USP1: variants seen among roughly 807,000 people sequenced by gnomAD.
USP1 encodes the protein ubiquitin carboxyl-terminal hydrolase 1.
Under a neutral mutation model 72.2 loss-of-function variants are expected in USP1, and 18 were observed. The observed-to-expected ratio is 0.25, with a 90% confidence interval of 0.17 to 0.37. The LOEUF is 0.37. Among genes scored for constraint, USP1 ranks in the 10% least tolerant of loss-of-function variants. The probability of loss-of-function intolerance (pLI) is 1.00; values close to 1 mark genes in which losing one functional copy is unlikely to be tolerated. For missense variants in USP1, 759 were observed against 884.9 expected (o/e 0.86, Z 1.81); for synonymous variants, 354 against 303.7 (o/e 1.17, Z -1.72).
At chr1:62,440,878 G>T (rs931285009) in intron 2 of USP1, among the ~76,000 whole-genome samples, 2 of 152,056 alleles carry the variant, frequency 1.3e-5, no homozygotes, top group Non-Finnish European at 2.9e-5. Flanking sequence ...TTTGAGATGG[G>T]GTCTCCTTGT....
intron 4 of USP1, among the ~76,000 whole-genome samples, chr1:62,442,547 C>A (rs939516546): frequency 1.3e-5 from 2 of 151,926 alleles, no homozygotes; most frequent in Admixed American, 6.6e-5. Context: ...TTACTGTATA[C>A]TATAATCACA....
rs1645212492 is a variant in USP1, at chr1:62,450,984, TG to T, written c.*4del. 1 of 1,573,260 alleles carries T rather than the reference TG, an allele frequency of 6.4e-7. No homozygotes were observed. Among genetic ancestry groups the T allele is most frequent in the Non-Finnish European group, 8.6e-7 (1 of 1,166,912 alleles). The stretch of plus-strand genomic sequence containing the variant: ...TGCTATTTTATAAGAAATTATAGAG[TG>T]AGTGTATTTTCCTTGTGTATATATT... On this transcript the variant is annotated 3_prime_UTR_variant, in exon 9 of 9. Coordinates refer to ENST00000339950, the MANE Select transcript of USP1 (RefSeq NM_003368.5).
chr1:62,442,361 T>G, intron 4 of USP1, 62 bp downstream of exon 4: 1 of 1,274,558 alleles, frequency 7.8e-7, no homozygotes. Flanking sequence ...GGAAATTTAC[T>G]TGCCTGGAAA....
Position 62,445,275 on chromosome 1 carries a change from A to T in USP1, c.1095A>T (p.Gln365His). ...GTCTGGGAAAAATAACAACAAACCA[A>T]GGAGTCAAAGGACAATCTAAAGAAA... ...FCSLGKITTN[Q>H]GVKGQSKENE... The change falls in exon 6 of 9, where the codon CAA (glutamine) becomes CAT (histidine). Residue 365 changes from glutamine (Q) to histidine (H), a missense_variant. Transcript: ENST00000339950. 1 of 1,613,506 alleles carries T rather than the reference A, an allele frequency of 6.2e-7. No homozygotes were observed. Among genetic ancestry groups the T allele is most frequent in the Non-Finnish European group, 8.5e-7 (1 of 1,179,828 alleles).
intron 1 of USP1, 144 bp from the exon 2 acceptor site, chr1:62,439,655 T>G (rs1645118582): frequency 4.8e-6 from 2 of 415,576 alleles, no homozygotes; most frequent in Admixed American, 4.4e-5. Context: ...CAATAAATAT[T>G]GAGTGCTTAT....
At chr1:62,437,702 C>T (rs1248536238) in intron 1 of USP1, among the ~76,000 whole-genome samples, 1 of 152,242 alleles carries the variant, frequency 6.6e-6, no homozygotes, top group Admixed American at 6.5e-5. Flanking sequence ...CGCTGCTCGT[C>T]CTTCCAGCTT....
Position 62,450,448 on chromosome 1 carries a change from G to A in USP1, c.1825G>A (p.Asp609Asn). ...CACTGACCTTAACAGTTTAGAACTA[G>A]ATAAAGGAAATTTTGTGGTTGACCA... is the stretch of plus-strand genomic sequence containing the variant. ...KVTDLNSLELDKGNFVVDQMC... is the reference protein window; with the variant it reads ...KVTDLNSLELNKGNFVVDQMC... Residue 609 changes from aspartate (D) to asparagine (N), a missense_variant, in exon 9 of 9, where the codon GAT becomes AAT. By Grantham distance (23) the Asp-to-Asn change is conservative. Coordinates refer to ENST00000339950, the MANE Select transcript of USP1 (RefSeq NM_003368.5). The A allele has an allele frequency of 6.2e-7, 1 of 1,614,136 alleles. No individual in the cohort carries two copies. The highest frequency in any genetic ancestry group is 8.5e-7 in the Non-Finnish European group (1 of 1,180,020).
chr1:62,437,307 G>C lies in USP1; in HGVS notation c.-163G>C, dbSNP rs1645096191. The C allele has an allele frequency of 2.5e-6, 1 of 396,712 alleles. No individual in the cohort carries two copies. The highest frequency in any genetic ancestry group is 4.4e-6 in the Non-Finnish European group (1 of 225,408). 24.6% of individuals were successfully genotyped at this position (396,712 alleles called of 1,614,324 possible). ...TTTTCCTGGGGCCGGGGACCCGGCG[G>C]GCTCGGGGCAGGGACTCACCTGTCG... On this transcript the variant is annotated 5_prime_UTR_variant, in exon 1 of 9. Coordinates refer to ENST00000339950, the MANE Select transcript of USP1 (RefSeq NM_003368.5).
intron 5 of USP1, 132 bp downstream of exon 5, chr1:62,443,451 C>A: frequency 1.1e-6 from 1 of 908,630 alleles, no homozygotes; most frequent in Non-Finnish European, 1.5e-6. Context: ...TCCTTTATAT[C>A]CCAGAGACTC....
rs761322194 is a variant in USP1 at position 62,450,828 on chromosome 1, C to T, written c.2205C>T (p.Tyr735=). 30 of 1,613,872 alleles carry T rather than the reference C, an allele frequency of 1.9e-5. No individual in the cohort carries two copies. The highest frequency in any genetic ancestry group is 1.6e-4 in the Middle Eastern group (1 of 6,080). Residue 735 remains tyrosine, a synonymous_variant, in exon 9 of 9, where the codon TAC becomes TAT. Coordinates refer to ENST00000339950, the MANE Select transcript of USP1 (RefSeq NM_003368.5). The part of the protein sequence containing the change: ...NISGFENKIS[Y]VVQSLKEYEG... ...GTGGATTTGAGAACAAAATTTCATA[C>T]GTAGTGCAAAGCTTAAAGGAGTATG...
intron 7 of USP1, 144 bp from the exon 8 acceptor site, chr1:62,448,321 A>C: frequency 1.3e-6 from 1 of 751,898 alleles, no homozygotes; most frequent in Non-Finnish European, 2.1e-6. Flanking sequence ...TTATGAAAGT[A>C]GTTTCTGAAA....
At chr1:62,437,623 G>A (rs1433227827) in intron 1 of USP1, among the ~76,000 whole-genome samples, 1 of 151,726 alleles carries the variant, frequency 6.6e-6, no homozygotes, top group East Asian at 2.0e-4. Flanking sequence ...ACTCCGCGGC[G>A]AGGGCGCCCG....
At chr1:62,436,835 T>G (rs1183411028), upstream of USP1, 3 of 321,800 alleles carry the variant, frequency 9.3e-6, no homozygotes, top group East Asian at 9.5e-5. Context: ...CCTGCGTTGT[T>G]TGAAACTGTG....
rs1160489715 is a variant in USP1 at position 62,437,076 on chromosome 1, C to A, written c.-394C>A. 2 of 398,756 alleles carry A rather than the reference C, an allele frequency of 5.0e-6. No homozygotes were observed. The highest frequency in any genetic ancestry group is 4.4e-6 in the Non-Finnish European group (1 of 225,968). 24.7% of individuals were successfully genotyped at this position (398,756 alleles called of 1,614,324 possible). On this transcript the variant is annotated 5_prime_UTR_variant, in exon 1 of 9. Transcript: ENST00000339950. Reference sequence around the variant, plus strand: ...AAACGCGCCAAGTTCCCCTCGGTGGCGGAGTGCTAAAGACCCTAGCGGTTC... The same window carrying A: ...AAACGCGCCAAGTTCCCCTCGGTGGAGGAGTGCTAAAGACCCTAGCGGTTC...
In USP1 at chr1:62,445,082, G is replaced by A. The variant is rs533338716; in HGVS notation, c.902G>A (p.Arg301Lys). The change falls in exon 6 of 9, where the codon AGA becomes AAA. Residue 301 changes from arginine (R) to lysine (K), a missense_variant. Around this residue, in one of 9 missense-constraint regions of USP1, gnomAD observed 245 missense variants for 240.7 expected, o/e 1.02. Transcript: ENST00000339950. ...QSLEENQRQT[R>K]SKRKATSDTL... ...TTGGAAGAGAACCAGAGACAAACTA[G>A]ATCAAAAAGAAAAGCTACAAGTGAT... 6.2e-7 allele frequency: 1 copy of A among 1,611,250 alleles called. No homozygotes were observed. The highest frequency in any genetic ancestry group is 1.1e-5 in the South Asian group (1 of 90,184).
chr1:62,449,920 C>G (rs1645201962), intron 8 of USP1, among the ~76,000 whole-genome samples: 1 of 151,116 alleles, frequency 6.6e-6, no homozygotes, highest in Admixed American at 6.6e-5. Context: ...AAAAAAAAAC[C>G]CAAAACGTAA....
Position 62,437,196 on chromosome 1 carries a change from G to A in USP1, c.-274G>A. Reference sequence around the variant, plus strand: ...CGCTCCCGGGATGTAGTTGGTGTTGGTGCAAGACGGGAGCGAGCGGCGGTC... The same window carrying A: ...CGCTCCCGGGATGTAGTTGGTGTTGATGCAAGACGGGAGCGAGCGGCGGTC... On this transcript the variant is annotated 5_prime_UTR_variant, in exon 1 of 9. It adds an upstream start codon to the 5' untranslated region. Transcript: ENST00000339950. 1 of 398,808 alleles carries A rather than the reference G, an allele frequency of 2.5e-6. No homozygotes were observed. The highest frequency in any genetic ancestry group is 1.3e-4 in the South Asian group (1 of 7,858). The allele number at this position is 398,808 out of a possible 1,614,324, so 24.7% of individuals were successfully genotyped here. A position where few individuals can be genotyped will look rare whatever the true frequency, so the allele number is the denominator to read the frequency against.
chr1:62,442,057 A>G, intron 3 of USP1, 138 bp from the exon 4 acceptor site: 1 of 619,598 alleles, frequency 1.6e-6, no homozygotes. Flanking sequence ...TGGAGAACAA[A>G]TTTTGACACA....
At chr1:62,441,397 C>T in intron 2 of USP1, 91 bp from the exon 3 acceptor site, 1 of 1,374,958 alleles carries the variant, frequency 7.3e-7, no homozygotes. Flanking sequence ...GATTATACAA[C>T]TTTTGGGAAA....
Sources: gnomAD v4.1 joint callset for allele counts (sites outside exome capture counted in the v4.1 genomes callset) on GRCh38, gnomAD v4.1.1 for gene constraint, gnomAD v4.1.1 regional missense constraint, MANE v1.5 for transcripts, NCBI Gene and HGNC (gene_info 2026-07-23, HGNC 2026-07-21) for gene names.